SMURF2: variants seen among roughly 807,000 people sequenced by gnomAD.
SMURF2 encodes E3 ubiquitin-protein ligase SMURF2.
SMURF2 carries 48 observed loss-of-function variants against 109.6 expected under a neutral mutation model. That is an observed-to-expected ratio of 0.44 (90% CI 0.35 to 0.56). SMURF2 has a LOEUF of 0.56. Among genes scored for constraint, SMURF2 ranks in the 20% least tolerant of loss-of-function variants. The pLI, the probability that SMURF2 is intolerant of heterozygous loss-of-function variation, is 0.01. For synonymous variants in SMURF2, 288 were observed against 317.1 expected (o/e 0.91, Z 0.97); for missense variants, 575 against 909.0 (o/e 0.63, Z 4.72).
chr17:64,565,554 A>G (rs1481154170), intron 10 of SMURF2, among the ~76,000 whole-genome samples: 1 of 152,158 alleles, frequency 6.6e-6, no homozygotes, highest in East Asian at 1.9e-4. Flanking sequence ...TCTTCATGCA[A>G]TGCCAGTCAA....
At position 64,635,327 on chromosome 17, in the gene SMURF2, A is replaced by AAAAT. The variant is rs557784291; in HGVS notation, c.52+26498_52+26501dup. Among the ~76,000 whole-genome samples the AAAAT allele has an allele frequency of 3.2e-3, 489 of 152,276 alleles. 1 individual carries two copies. Among genetic ancestry groups the AAAAT allele is most frequent in the African/African-American group, 0.011 (458 of 41,546 alleles). On this transcript the variant is annotated intron_variant, in intron 1 of 18. Transcript: ENST00000262435. ...GGGCGACAGAGCGAGACTAGGTCTC[A>AAAAT]AAATAAATAAATAAATAATAAAAGT... is the stretch of plus-strand genomic sequence containing the variant.
intron 1 of SMURF2, among the ~76,000 whole-genome samples, chr17:64,610,287 A>G (rs1473065572): frequency 6.6e-6 from 1 of 152,176 alleles, no homozygotes; most frequent in Non-Finnish European, 1.5e-5. Flanking sequence ...AAATCATTCT[A>G]CTATAAAGAC....
chr17:64,587,661 T>G, intron 5 of SMURF2, among the ~76,000 whole-genome samples: 1 of 152,158 alleles, frequency 6.6e-6, no homozygotes, highest in East Asian at 1.9e-4. Flanking sequence ...TCTGTAAACA[T>G]TTTGAAAGAT....
In SMURF2 at chr17:64,571,811, G is replaced by C; in HGVS notation, c.1003C>G (p.His335Asp). ...TCAAAAACTTACTTTAAAACTAAAT[G>C]CAAGTTAGCAGACAGCCGAGGATCT... is the stretch of plus-strand genomic sequence containing the variant. ...FTDPRLSANL[H>D]LVLNRQNQLK... Residue 335 changes from histidine (H) to aspartate (D), a missense_variant, in exon 10 of 19, where the codon CAT (histidine) becomes GAT (aspartate). Physicochemically the swap from His to Asp is moderately conservative, Grantham distance 81. This residue lies in a region of SMURF2 where 361 missense variants were observed against 612.1 expected (regional missense o/e 0.59). Transcript: ENST00000262435. 1 of 1,608,000 alleles carries C rather than the reference G, an allele frequency of 6.2e-7. No homozygotes were observed. Among genetic ancestry groups the C allele is most frequent in the Non-Finnish European group, 8.5e-7 (1 of 1,177,740 alleles).
chr17:64,644,431 A>G (rs782284758), intron 1 of SMURF2, among the ~76,000 whole-genome samples: 69 of 96,846 alleles, frequency 7.1e-4, no homozygotes, highest in Non-Finnish European at 1.0e-3. Flanking sequence ...CTAAAAATAG[A>G]AAAAAAAAAA....
Position 64,593,568 on chromosome 17 carries a change from A to T in SMURF2, c.206T>A (p.Ile69Asn). Reference protein sequence around the residue: ...PKWNQHYDLYIGKSDSVTISV... With the variant: ...PKWNQHYDLYNGKSDSVTISV... ...GATCGTAACTGAATCAGACTTTCCAATATACCTAAAAAACAAAACGGCTGC... is the reference window on the plus strand; with the variant it reads ...GATCGTAACTGAATCAGACTTTCCATTATACCTAAAAAACAAAACGGCTGC... The change falls in exon 4 of 19, where the codon ATT (isoleucine) becomes AAT (asparagine). Residue 69 changes from isoleucine to asparagine, a missense_variant. Ile to Asn is a moderately radical substitution (Grantham distance 149). Around this residue, in one of 5 missense-constraint regions of SMURF2, gnomAD observed 33 missense variants for 66.0 expected, o/e 0.50. Transcript: ENST00000262435. The T allele has an allele frequency of 6.5e-7, 1 of 1,549,990 alleles. No individual in the cohort carries two copies. The highest frequency in any genetic ancestry group is 2.3e-5 in the East Asian group (1 of 43,978).
intron 5 of SMURF2, among the ~76,000 whole-genome samples, chr17:64,588,929 TAC>T (rs781792117): frequency 2.0e-5 from 3 of 152,152 alleles, no homozygotes; most frequent in Non-Finnish European, 2.9e-5. Context: ...GGCCCGGGAA[TAC>T]AGTTTTTAAA....
intron 1 of SMURF2, among the ~76,000 whole-genome samples, chr17:64,612,445 A>G (rs1970058035): frequency 6.6e-6 from 1 of 151,864 alleles, no homozygotes; most frequent in Admixed American, 6.6e-5. Flanking sequence ...AGGCGGGCAG[A>G]TCACTTGAGG....
intron 3 of SMURF2, among the ~76,000 whole-genome samples, chr17:64,597,959 G>A (rs1424501076): frequency 6.6e-6 from 1 of 152,092 alleles, no homozygotes; most frequent in Admixed American, 6.5e-5. Flanking sequence ...AAGCTTTATT[G>A]TATCATTTGC....
intron 15 of SMURF2, 24 bp from the exon 16 acceptor site, chr17:64,551,728 G>A (rs781826299): frequency 1.7e-5 from 27 of 1,611,536 alleles, no homozygotes; most frequent in Admixed American, 5.0e-5. Context: ...GCAGGATTTC[G>A]TATAATCACA....
chr17:64,651,066 G>A (rs1182716619), intron 1 of SMURF2, among the ~76,000 whole-genome samples: 6 of 150,732 alleles, frequency 4.0e-5, no homozygotes, highest in South Asian at 2.1e-4. Flanking sequence ...ACATGGTGGC[G>A]GGTGCCTGTA....
At chr17:64,566,065 T>C (rs191569828) in intron 10 of SMURF2, among the ~76,000 whole-genome samples, 80 of 152,192 alleles carry the variant, frequency 5.3e-4, no homozygotes, top group Admixed American at 4.3e-3. Context: ...TGACGGCTCA[T>C]AGACATAGAT....
rs1024723749 is a variant in SMURF2, at chr17:64,628,360, G to A, written c.53-21720C>T. On this transcript the variant is annotated intron_variant, in intron 1 of 18. Coordinates refer to ENST00000262435, the MANE Select transcript of SMURF2 (RefSeq NM_022739.4). ...TACTGGGTCTGCCTCAACTGACTAAGTATTCTATGTATACATTTTCTATCA... is the reference window on the plus strand; with the variant it reads ...TACTGGGTCTGCCTCAACTGACTAAATATTCTATGTATACATTTTCTATCA... Among the ~76,000 whole-genome samples the A allele has an allele frequency of 3.9e-5, 6 of 152,222 alleles. No individual in the cohort carries two copies. The South Asian group carries it at 8.3e-4, about 21-fold the overall frequency.
chr17:64,604,956 G>C (rs1206235229), intron 2 of SMURF2, among the ~76,000 whole-genome samples: 2 of 150,868 alleles, frequency 1.3e-5, no homozygotes, highest in Admixed American at 1.3e-4. Flanking sequence ...AAAAAAAAAA[G>C]GAAAAGTGCT....
At chr17:64,559,868 C>T (rs1377442473) in intron 12 of SMURF2, among the ~76,000 whole-genome samples, 3 of 151,570 alleles carry the variant, frequency 2.0e-5, no homozygotes, top group African/African-American at 4.8e-5. Context: ...CTGCCTCAGC[C>T]TCCCGAATAG....
intron 10 of SMURF2, 89 bp downstream of exon 10, chr17:64,571,709 G>T: frequency 7.5e-7 from 1 of 1,328,330 alleles, no homozygotes; most frequent in Non-Finnish European, 1.0e-6. Context: ...GTGAGCCACT[G>T]TATCGAGACT....
At chr17:64,629,923 A>T (rs1970315642) in intron 1 of SMURF2, among the ~76,000 whole-genome samples, 1 of 152,158 alleles carries the variant, frequency 6.6e-6, no homozygotes, top group African/African-American at 2.4e-5. Flanking sequence ...CAGGTACTAG[A>T]AAAGTAATCA....
intron 11 of SMURF2, among the ~76,000 whole-genome samples, chr17:64,561,843 T>C (rs1555684542): frequency 2.0e-5 from 3 of 151,596 alleles, no homozygotes; most frequent in Non-Finnish European, 2.9e-5. Flanking sequence ...CAAAAAGTTT[T>C]TTCTTAAATA....
At chr17:64,585,401 C>T (rs1555686989) in intron 6 of SMURF2, among the ~76,000 whole-genome samples, 1 of 152,162 alleles carries the variant, frequency 6.6e-6, no homozygotes. Flanking sequence ...ATGCAAGACA[C>T]TGTGCTAAAG....
Sources: allele counts gnomAD v4.1 joint callset (sites outside exome capture counted in the v4.1 genomes callset), GRCh38; gene constraint gnomAD v4.1.1; regional missense constraint gnomAD v4.1.1; transcripts MANE v1.5; gene names NCBI Gene and HGNC (gene_info 2026-07-23, HGNC 2026-07-21).